NCKAP5: variants seen among roughly 807,000 people sequenced by gnomAD.
NCKAP5 encodes the protein nck-associated protein 5.
In NCKAP5, 92 loss-of-function variants were observed where a neutral mutation model predicts 167.0. That is an observed-to-expected ratio of 0.55 (90% CI 0.47 to 0.66). The LOEUF is 0.66. Among genes scored for constraint, NCKAP5 ranks in the 30% least tolerant of loss-of-function variants. The pLI, the probability that NCKAP5 is intolerant of heterozygous loss-of-function variation, is 0.00. For synonymous variants in NCKAP5, 891 were observed against 877.4 expected (o/e 1.02, Z -0.27); for missense variants, 2,378 against 2,315.0 (o/e 1.03, Z -0.56).
intron 4 of NCKAP5, among the ~76,000 whole-genome samples, chr2:133,222,810 C>G (rs1480497477): frequency 6.6e-6 from 1 of 152,170 alleles, no homozygotes; most frequent in African/African-American, 2.4e-5. Flanking sequence ...CATGCTTTAA[C>G]AAATATGTAA....
intron 5 of NCKAP5, among the ~76,000 whole-genome samples, chr2:133,137,447 T>C (rs868450821): frequency 3.3e-4 from 49 of 146,616 alleles, no homozygotes; most frequent in Non-Finnish European, 3.0e-4. Context: ...TGTGTGTGTG[T>C]GTGTTTTGGA....
chr2:133,387,716 A>G (rs893654498), intron 3 of NCKAP5, among the ~76,000 whole-genome samples: 1 of 152,174 alleles, frequency 6.6e-6, no homozygotes, highest in Non-Finnish European at 1.5e-5. Context: ...AAATGGTCCC[A>G]TATTTCTTGG....
intron 6 of NCKAP5, among the ~76,000 whole-genome samples, chr2:133,110,991 C>G (rs983727092): frequency 1.3e-5 from 2 of 152,144 alleles, no homozygotes; most frequent in South Asian, 2.1e-4. Context: ...TCTGGTGTCT[C>G]TACCTCTTGT....
chr2:133,595,776 C>T, the NCKAP5 span, among the ~76,000 whole-genome samples: 10 of 152,302 alleles, frequency 6.6e-5, no homozygotes, highest in East Asian at 1.7e-3. Flanking sequence ...AGCCTGGAAG[C>T]AGCCACAAAC....
intron 2 of NCKAP5, among the ~76,000 whole-genome samples, chr2:133,542,555 C>T (rs529353001): frequency 1.1e-4 from 17 of 152,302 alleles, no homozygotes; most frequent in African/African-American, 4.1e-4. Context: ...TCAGAACATG[C>T]CGCCATATTT....
chr2:133,501,075 C>T (rs144216380), intron 3 of NCKAP5, among the ~76,000 whole-genome samples: 252 of 152,276 alleles, frequency 1.7e-3, no homozygotes, highest in Middle Eastern at 6.8e-3. Flanking sequence ...CTGGACAGAT[C>T]GCTGGGCTCC....
At chr2:133,350,560 G>A (rs960004445) in intron 3 of NCKAP5, among the ~76,000 whole-genome samples, 2 of 152,142 alleles carry the variant, frequency 1.3e-5, no homozygotes, top group Non-Finnish European at 2.9e-5. Context: ...AGTCTGACCA[G>A]CACTTTGGTT....
chr2:132,888,080 A>C (rs1306826556), intron 8 of NCKAP5, among the ~76,000 whole-genome samples: 1 of 152,220 alleles, frequency 6.6e-6, no homozygotes, highest in Non-Finnish European at 1.5e-5. Flanking sequence ...GCCCTTTGAG[A>C]CAGGGATCAT....
At chr2:133,505,677 G>C (rs751877148) in intron 3 of NCKAP5, among the ~76,000 whole-genome samples, 9 of 152,162 alleles carry the variant, frequency 5.9e-5, no homozygotes, top group Non-Finnish European at 1.2e-4. Context: ...GAGGCAGGTT[G>C]GGATTCAAAT....
the NCKAP5 span, among the ~76,000 whole-genome samples, chr2:133,601,477 C>G: frequency 0.38 from 57,198 of 152,088 alleles, 11,382 homozygotes; most frequent in Admixed American, 0.48. Context: ...CGCCTATAAC[C>G]CCAGCACTTT....
intron 19 of NCKAP5, among the ~76,000 whole-genome samples, chr2:132,691,682 A>G (rs576540613): frequency 2.0e-5 from 3 of 152,346 alleles, no homozygotes. Context: ...TAAGATCAGC[A>G]TGACCATAAA....
At chr2:133,057,984 T>A (rs186192570) in intron 6 of NCKAP5, among the ~76,000 whole-genome samples, 65 of 152,274 alleles carry the variant, frequency 4.3e-4, no homozygotes, top group African/African-American at 1.6e-3. Context: ...ATTCTGAAAA[T>A]CACAGGGCCT....
the NCKAP5 span, among the ~76,000 whole-genome samples, chr2:133,657,539 T>C: frequency 2.0e-5 from 3 of 152,170 alleles, no homozygotes; most frequent in African/African-American, 7.2e-5. Context: ...TGACTAATGG[T>C]GGACATCTAC....
chr2:133,326,458 C>CAAAAAAAAAAAAAA (rs34750625), intron 3 of NCKAP5, among the ~76,000 whole-genome samples: 2 of 48,984 alleles, frequency 4.1e-5, no homozygotes, highest in African/African-American at 1.3e-4. Flanking sequence ...TCAGTCTCAA[C>CAAAAAAAAAAAAAA]AAAAAAAAAA....
intron 3 of NCKAP5, among the ~76,000 whole-genome samples, chr2:133,413,893 T>C (rs144142466): frequency 1.2e-3 from 185 of 152,320 alleles, no homozygotes; most frequent in Non-Finnish European, 1.8e-3. Context: ...TGTTTTTCTA[T>C]ATAGAGGGAC....
intron 5 of NCKAP5, among the ~76,000 whole-genome samples, chr2:133,175,766 T>C (rs1352011886): frequency 6.6e-6 from 1 of 152,202 alleles, no homozygotes; most frequent in Non-Finnish European, 1.5e-5. Flanking sequence ...AGAATTCAAA[T>C]GATAAGCCTA....
chr2:133,473,739 AC>A (rs1679569426), intron 3 of NCKAP5, among the ~76,000 whole-genome samples: 4 of 152,184 alleles, frequency 2.6e-5, no homozygotes, highest in Admixed American at 6.5e-5. Flanking sequence ...TTTCAAAATT[AC>A]CCCTCGTTGT....
chr2:133,127,206 A>C (rs1027111388), intron 6 of NCKAP5, among the ~76,000 whole-genome samples: 4 of 152,224 alleles, frequency 2.6e-5, no homozygotes, highest in African/African-American at 9.6e-5. Context: ...GAATTTTTCA[A>C]AGACTTAATA....
intron 2 of NCKAP5, among the ~76,000 whole-genome samples, chr2:133,557,311 T>A (rs1687811429): frequency 6.6e-6 from 1 of 152,132 alleles, no homozygotes; most frequent in Admixed American, 6.5e-5. Context: ...TTGGCACAAC[T>A]TTTCCTAGAT....
Sources: gnomAD v4.1 joint callset for allele counts (sites outside exome capture counted in the v4.1 genomes callset) on GRCh38, gnomAD v4.1.1 for gene constraint, MANE v1.5 for transcripts, NCBI Gene and HGNC (gene_info 2026-07-23, HGNC 2026-07-21) for gene names.